Variants in AP3B1 observed in about 807,000 individuals in gnomAD.
AP3B1 encodes adaptor related protein complex 3 subunit beta 1.
AP3B1 carries 61 observed loss-of-function variants against 132.5 expected under a neutral mutation model. The ratio of observed to expected loss-of-function variants is 0.46; its 90% CI spans 0.37 to 0.57. The LOEUF (loss-of-function observed/expected upper bound fraction) is 0.57, where lower values mean the gene tolerates loss of function less well. AP3B1 is among the 20% of genes least tolerant of loss of function. The probability of loss-of-function intolerance (pLI) is 0.00; values close to 1 mark genes in which losing one functional copy is unlikely to be tolerated. For missense variants in AP3B1, 1,120 were observed against 1,289.4 expected, an observed-to-expected ratio of 0.87 and a Z score of 2.01; for synonymous variants, 388 against 438.3, an observed-to-expected ratio of 0.89 and a Z score of 1.43.
At chr5:78,127,020 T>C (rs1026519802) in intron 17 of AP3B1, among the ~76,000 whole-genome samples, 3 of 152,228 alleles carry the variant, frequency 2.0e-5, no homozygotes, top group African/African-American at 7.2e-5. Flanking sequence ...AATAGTGCTA[T>C]TATTAATTCC....
intron 1 of AP3B1, among the ~76,000 whole-genome samples, chr5:78,286,368 T>C (rs1749280901): frequency 6.6e-6 from 1 of 152,132 alleles, no homozygotes; most frequent in Non-Finnish European, 1.5e-5. Flanking sequence ...TCATGAGGGC[T>C]CCTCCCTTCA....
At chr5:78,016,524 A>C (rs762628851) in intron 25 of AP3B1, among the ~76,000 whole-genome samples, 1 of 152,136 alleles carries the variant, frequency 6.6e-6, no homozygotes, top group Non-Finnish European at 1.5e-5. Flanking sequence ...ATATGTGCAC[A>C]GTAGTTTACA....
chr5:78,079,509 C>A (rs376416), intron 22 of AP3B1, among the ~76,000 whole-genome samples: 26,138 of 151,862 alleles, frequency 0.17, 2,860 homozygotes, highest in Admixed American at 0.28. Context: ...AGGAGTTTAC[C>A]ACATACGGTA....
chr5:78,262,503 T>C (rs1748136337), intron 2 of AP3B1, among the ~76,000 whole-genome samples: 3 of 152,180 alleles, frequency 2.0e-5, no homozygotes, highest in Admixed American at 2.0e-4. Context: ...TCCCAATTGA[T>C]TGATCTGGCA....
downstream of AP3B1, chr5:78,001,499 C>T (rs953859156): frequency 6.6e-6 from 1 of 151,670 alleles, no homozygotes; most frequent in Admixed American, 6.5e-5. Context: ...GTACATTGCA[C>T]TTCTGTACAT....
intron 24 of AP3B1, among the ~76,000 whole-genome samples, chr5:78,027,845 G>C (rs1006908336): frequency 6.6e-6 from 1 of 152,026 alleles, no homozygotes; most frequent in African/African-American, 2.4e-5. Flanking sequence ...TGTTGAATAG[G>C]CCAGGAACAG....
rs527978043 is a variant in AP3B1, at chr5:78,067,917, C to G, written c.2577+21476G>C. On this transcript the variant is annotated intron_variant, in intron 22 of 26. Coordinates refer to ENST00000255194, the MANE Select transcript of AP3B1 (RefSeq NM_003664.5). ...AGACAAGAAATAACCAAGATCAGAG[C>G]AGAATTGAAGGAGACAGACACATGA... Among the ~76,000 whole-genome samples, 22 of 148,042 alleles carry G rather than the reference C, an allele frequency of 1.5e-4. 1 individual carries two copies. The South Asian group carries it at 4.5e-3, about 30-fold the overall frequency.
chr5:78,219,659 T>C (rs897645341), intron 6 of AP3B1, among the ~76,000 whole-genome samples: 1 of 152,054 alleles, frequency 6.6e-6, no homozygotes. Context: ...ATATGACACA[T>C]ACTGGTCTTT....
At chr5:78,119,507 A>T (rs1752051339) in intron 17 of AP3B1, among the ~76,000 whole-genome samples, 1 of 152,214 alleles carries the variant, frequency 6.6e-6, no homozygotes, top group South Asian at 2.1e-4. Flanking sequence ...GAGCTGATGG[A>T]GCTGAAAGCC....
chr5:78,128,953 T>C (rs1752576850), intron 16 of AP3B1, among the ~76,000 whole-genome samples, 168 bp downstream of exon 16: 1 of 152,142 alleles, frequency 6.6e-6, no homozygotes, highest in Non-Finnish European at 1.5e-5. Context: ...AATATAAAAC[T>C]TGCTTTTGAG....
intron 3 of AP3B1, among the ~76,000 whole-genome samples, chr5:78,230,768 AACACTAT>A (rs1156561840): frequency 6.6e-6 from 1 of 152,200 alleles, no homozygotes; most frequent in Non-Finnish European, 1.5e-5. Context: ...TCCTCCATAT[AACACTAT>A]ACTATTCAGC....
intron 2 of AP3B1, among the ~76,000 whole-genome samples, chr5:78,245,020 G>A (rs1747317502): frequency 6.6e-6 from 1 of 151,958 alleles, no homozygotes; most frequent in African/African-American, 2.4e-5. Context: ...AGAAATTGTG[G>A]AGTGTTGGGG....
intron 17 of AP3B1, among the ~76,000 whole-genome samples, chr5:78,123,517 C>G (rs972722743): frequency 7.2e-5 from 11 of 151,942 alleles, no homozygotes; most frequent in African/African-American, 2.7e-4. Flanking sequence ...AACAAACAAC[C>G]CCATCAAAAA....
chr5:78,030,705 T>C (rs1255755992), intron 24 of AP3B1, among the ~76,000 whole-genome samples: 3 of 152,166 alleles, frequency 2.0e-5, no homozygotes, highest in African/African-American at 7.2e-5. Flanking sequence ...CGGGCAGGGA[T>C]ACACTCTGTC....
At chr5:78,159,104 A>G (rs1311116193) in intron 13 of AP3B1, among the ~76,000 whole-genome samples, 1 of 152,252 alleles carries the variant, frequency 6.6e-6, no homozygotes, top group Admixed American at 6.5e-5. Context: ...TAGCAGAAAA[A>G]TAAATGGTTA....
intron 21 of AP3B1, among the ~76,000 whole-genome samples, chr5:78,097,218 C>T (rs1486361278): frequency 4.0e-5 from 5 of 125,168 alleles, no homozygotes; most frequent in South Asian, 2.5e-4. Flanking sequence ...GGCCAGCCAC[C>T]CCGTCCGGGA....
intron 1 of AP3B1, among the ~76,000 whole-genome samples, chr5:78,277,706 A>G (rs1388818640): frequency 2.6e-5 from 4 of 152,210 alleles, no homozygotes; most frequent in African/African-American, 4.8e-5. Context: ...TTACCGGTCC[A>G]TAACAGATAC....
chr5:78,267,542 T>C lies in AP3B1; in HGVS notation c.182A>G (p.Asp61Gly), dbSNP rs1401143681. ...TACCCCAACAATCCGCTTCATAGCA[T>C]CCAGTTTAGCAGAATCTTTGTTGCT... ...LESNKDSAKL[D>G]AMKRIVGMIA... Residue 61 changes from aspartate to glycine, a missense_variant, in exon 2 of 27, where the codon GAT becomes GGT. Physicochemically the swap from Asp to Gly is moderately conservative, Grantham distance 94. Transcript: ENST00000255194. 3 of 1,611,426 alleles carry C rather than the reference T, an allele frequency of 1.9e-6. No individual in the cohort carries two copies. Among genetic ancestry groups the C allele is most frequent in the Non-Finnish European group, 2.5e-6 (3 of 1,178,514 alleles).
chr5:78,156,443 C>T, intron 13 of AP3B1, 76 bp from the exon 14 acceptor site: 1 of 1,092,760 alleles, frequency 9.2e-7, no homozygotes, highest in East Asian at 2.4e-5. Flanking sequence ...AAAATGTAAA[C>T]TTAAATTAGA....
Sources: gnomAD v4.1 joint callset for allele counts (sites outside exome capture counted in the v4.1 genomes callset) on GRCh38, gnomAD v4.1.1 for gene constraint, MANE v1.5 for transcripts, NCBI Gene and HGNC (gene_info 2026-07-23, HGNC 2026-07-21) for gene names.